The following ADA2 variants were observed in gnomAD, a reference collection of about 807,000 sequenced individuals.
ADA2 encodes the protein adenosine deaminase CECR1.
In ADA2, 29 loss-of-function variants were observed where a neutral mutation model predicts 44.2. That is an observed-to-expected ratio of 0.66 (90% CI 0.49 to 0.89). ADA2 has a LOEUF of 0.89. ADA2 is among the 40% of genes least tolerant of loss of function. ADA2 has a pLI of 0.00. For missense variants in ADA2, 637 were observed against 644.8 expected, an observed-to-expected ratio of 0.99 and a Z score of 0.13; for synonymous variants, 215 against 234.9, an observed-to-expected ratio of 0.92 and a Z score of 0.77.
intron 7 of ADA2, among the ~76,000 whole-genome samples, 190 bp downstream of exon 7, chr22:17,188,149 A>C (rs943246871): frequency 2.0e-5 from 3 of 152,112 alleles, no homozygotes; most frequent in Admixed American, 6.5e-5. Flanking sequence ...GAAATAATAC[A>C]TGTAAAGTGG....
At chr22:17,190,723 G>A (rs1225214897) in intron 5 of ADA2, among the ~76,000 whole-genome samples, 2 of 152,210 alleles carry the variant, frequency 1.3e-5, no homozygotes, top group Non-Finnish European at 2.9e-5. Flanking sequence ...AAACCTGGGG[G>A]CACTGATGCA....
chr22:17,221,299 T>G (rs1210459418), upstream of ADA2, among the ~76,000 whole-genome samples: 6 of 152,208 alleles, frequency 3.9e-5, no homozygotes, highest in Non-Finnish European at 8.8e-5. Context: ...TTGTGGGTTT[T>G]TTTTATACTT....
At chr22:17,181,697 A>G in intron 9 of ADA2, 121 bp from the exon 10 acceptor site, 1 of 1,086,932 alleles carries the variant, frequency 9.2e-7, no homozygotes, top group South Asian at 1.3e-5. Context: ...CAAGGACTAA[A>G]CAGCCATGAT....
Position 17,217,765 on chromosome 22 carries a change from A to G in ADA2, c.-47+1591T>C, listed in dbSNP as rs550624334. Reference sequence around the variant, plus strand: ...GGAGGTTTCAGTGAGCCTAGATTGCACCACTGCACTCCAGCCTGGGTGACA... The same window carrying G: ...GGAGGTTTCAGTGAGCCTAGATTGCGCCACTGCACTCCAGCCTGGGTGACA... On this transcript the variant is annotated intron_variant, in intron 1 of 9. Coordinates refer to ENST00000399837, the MANE Select transcript of ADA2 (RefSeq NM_001282225.2). 3.3e-5 allele frequency among the ~76,000 whole-genome samples: 5 copies of G among 152,230 alleles called. No individual in the cohort carries two copies. The South Asian group carries it at 6.2e-4, about 19-fold the overall frequency.
chr22:17,184,487 C>A (rs2062012618), intron 7 of ADA2, among the ~76,000 whole-genome samples: 1 of 152,176 alleles, frequency 6.6e-6, no homozygotes, highest in African/African-American at 2.4e-5. Flanking sequence ...CACCATCCGA[C>A]AACCAAGTGG....
At chr22:17,192,536 G>C (rs546932700) in intron 4 of ADA2, among the ~76,000 whole-genome samples, 91 of 152,196 alleles carry the variant, frequency 6.0e-4, no homozygotes, top group Middle Eastern at 3.4e-3. Flanking sequence ...CTAAGGGAAG[G>C]GAGGTGTGTA....
chr22:17,187,900 C>T (rs956956245), intron 7 of ADA2, among the ~76,000 whole-genome samples: 8 of 151,864 alleles, frequency 5.3e-5, no homozygotes, highest in Non-Finnish European at 1.2e-4. Flanking sequence ...GTCAGGAGAT[C>T]AAGACCATCC....
intron 4 of ADA2, chr22:17,199,436 C>CCA: frequency 2.0e-6 from 2 of 1,000,766 alleles, no homozygotes; most frequent in Non-Finnish European, 3.2e-6. Context: ...CCTCCTCTAT[C>CCA]CTCTTCCCCT....
intron 4 of ADA2, among the ~76,000 whole-genome samples, chr22:17,197,127 C>T (rs948456616): frequency 6.6e-6 from 1 of 152,072 alleles, no homozygotes; most frequent in African/African-American, 2.4e-5. Flanking sequence ...GAGCCAAGAT[C>T]GCACCACTGC....
At chr22:17,196,089 G>A (rs991126249) in intron 4 of ADA2, among the ~76,000 whole-genome samples, 10 of 151,394 alleles carry the variant, frequency 6.6e-5, no homozygotes, top group Non-Finnish European at 1.2e-4. Context: ...GCTCACACCT[G>A]TAATCCCAGC....
chr22:17,219,975 C>T (rs1377381142), upstream of ADA2, among the ~76,000 whole-genome samples: 7 of 151,898 alleles, frequency 4.6e-5, no homozygotes, highest in Admixed American at 2.0e-4. Context: ...CATGCCCGGC[C>T]GCATGTGGGT....
intron 7 of ADA2, among the ~76,000 whole-genome samples, chr22:17,186,277 A>G (rs2062034439): frequency 1.3e-5 from 2 of 152,200 alleles, no homozygotes; most frequent in African/African-American, 4.8e-5. Flanking sequence ...AAGTGTTCCA[A>G]TTCATACACA....
At chr22:17,190,411 C>T (rs1364091268) in intron 5 of ADA2, among the ~76,000 whole-genome samples, 1 of 152,132 alleles carries the variant, frequency 6.6e-6, no homozygotes, top group Non-Finnish European at 1.5e-5. Flanking sequence ...AGGGGCAGCT[C>T]TCTGTCCACT....
intron 4 of ADA2, among the ~76,000 whole-genome samples, chr22:17,194,759 A>G (rs2062169033): frequency 6.6e-6 from 1 of 151,728 alleles, no homozygotes; most frequent in Non-Finnish European, 1.5e-5. Context: ...TTCATTCAGG[A>G]TCTAGTATTG....
At position 17,200,752 on chromosome 22, in the gene ADA2, C is replaced by T. The variant is rs371650359; in HGVS notation, c.753+2811G>A. Among the ~76,000 whole-genome samples, 20 of 151,898 alleles carry T rather than the reference C, an allele frequency of 1.3e-4. No homozygotes were observed. The East Asian group carries it at 3.9e-3, about 29-fold the overall frequency. On this transcript the variant is annotated intron_variant, in intron 4 of 9. Transcript: ENST00000399837. ...CAAAAATTAGCTGGGTGTGGTGGTG[C>T]ACGCCTGTAATCCCAGCTATTCCAG... is the stretch of plus-strand genomic sequence containing the variant.
rs2286348 is a variant in ADA2 at position 17,190,243 on chromosome 22, C to G, written c.882-211G>C. ...GCCCAAATCCATTCTTATCAAAGAC[C>G]CTTGCTGGCTCTGGGGGCACCTGTA... On this transcript the variant is annotated intron_variant, in intron 5 of 9. Coordinates refer to ENST00000399837, the MANE Select transcript of ADA2 (RefSeq NM_001282225.2). Among the ~76,000 whole-genome samples, 73,171 of 152,116 alleles carry G rather than the reference C, an allele frequency of 0.48. 17,987 individuals are homozygous for G. The highest frequency in any genetic ancestry group is 0.58 in the East Asian group (3,029 of 5,178).
intron 8 of ADA2, among the ~76,000 whole-genome samples, chr22:17,182,349 C>T (rs1421537659): frequency 6.6e-6 from 1 of 152,148 alleles, no homozygotes; most frequent in African/African-American, 2.4e-5. Flanking sequence ...TGGCCTCCCC[C>T]CATGTCCTTT....
intron 1 of ADA2, among the ~76,000 whole-genome samples, chr22:17,211,087 C>G (rs1214700243): frequency 1.3e-5 from 2 of 151,864 alleles, no homozygotes; most frequent in Admixed American, 1.3e-4. Flanking sequence ...TACGGCTGGG[C>G]GCGGTGGCTC....
At chr22:17,207,047 T>G (rs1298836152) in intron 3 of ADA2, 24 bp downstream of exon 3, 2 of 1,582,398 alleles carry the variant, frequency 1.3e-6, no homozygotes, top group Non-Finnish European at 1.7e-6. Context: ...GCCTGGGACA[T>G]GTGCTTTCTG....
Sources: gnomAD v4.1 joint callset for allele counts (sites outside exome capture counted in the v4.1 genomes callset) on GRCh38, gnomAD v4.1.1 for gene constraint, MANE v1.5 for transcripts, NCBI Gene and HGNC (gene_info 2026-07-23, HGNC 2026-07-21) for gene names.